The following NMNAT2 variants were observed in gnomAD, a reference collection of about 807,000 sequenced individuals.
The protein encoded by NMNAT2 is nicotinamide nucleotide adenylyltransferase 2, also known as nicotinamide/nicotinic acid mononucleotide adenylyltransferase 2.
In NMNAT2, 11 loss-of-function variants were observed where a neutral mutation model predicts 41.6. The ratio of observed to expected loss-of-function variants is 0.26; its 90% CI spans 0.17 to 0.44. The LOEUF (loss-of-function observed/expected upper bound fraction) is 0.44. NMNAT2 is among the 20% of genes least tolerant of loss of function. The pLI, the probability that NMNAT2 is intolerant of heterozygous loss-of-function variation, is 1.00. For synonymous variants in NMNAT2, 148 were observed against 151.2 expected (o/e 0.98, Z 0.16); for missense variants, 288 against 407.7 (o/e 0.71, Z 2.53).
At chr1:183,327,812 T>G (rs1298546352) in intron 1 of NMNAT2, among the ~76,000 whole-genome samples, 1 of 152,150 alleles carries the variant, frequency 6.6e-6, no homozygotes, top group African/African-American at 2.4e-5. Context: ...GTTTTTTGTG[T>G]GTGTATGTGT....
chr1:183,300,775 T>C (rs1419867456), intron 1 of NMNAT2, among the ~76,000 whole-genome samples: 2 of 152,244 alleles, frequency 1.3e-5, no homozygotes, highest in Admixed American at 6.5e-5. Flanking sequence ...GCAAGCAAGC[T>C]GGAGGAGTTA....
intron 8 of NMNAT2, among the ~76,000 whole-genome samples, chr1:183,261,632 T>C (rs1006617651): frequency 6.6e-6 from 1 of 152,230 alleles, no homozygotes; most frequent in African/African-American, 2.4e-5. Context: ...CAGAATCACA[T>C]GAATGACATT....
At chr1:183,378,448 G>A (rs962824201) in intron 1 of NMNAT2, among the ~76,000 whole-genome samples, 3 of 150,740 alleles carry the variant, frequency 2.0e-5, no homozygotes, top group Admixed American at 6.6e-5. Flanking sequence ...CCAGCTACTC[G>A]GGAGGCTGAG....
At chr1:183,369,816 C>G (rs1663492768) in intron 1 of NMNAT2, among the ~76,000 whole-genome samples, 1 of 152,104 alleles carries the variant, frequency 6.6e-6, no homozygotes, top group Non-Finnish European at 1.5e-5. Flanking sequence ...CGGCAACCAC[C>G]ATGCTACTTT....
intron 1 of NMNAT2, among the ~76,000 whole-genome samples, chr1:183,400,091 G>A (rs1468914418): frequency 6.6e-6 from 1 of 152,096 alleles, no homozygotes; most frequent in Non-Finnish European, 1.5e-5. Context: ...AGAAATAAAA[G>A]GTATTCAATT....
chr1:183,274,766 T>TAAA (rs34658876), intron 8 of NMNAT2, among the ~76,000 whole-genome samples: 3 of 125,264 alleles, frequency 2.4e-5, no homozygotes, highest in Admixed American at 8.1e-5. Context: ...ACCTTGTCTC[T>TAAA]AAAAAAAAAA....
chr1:183,396,000 C>T (rs986435625), intron 1 of NMNAT2, among the ~76,000 whole-genome samples: 4 of 152,178 alleles, frequency 2.6e-5, no homozygotes, highest in African/African-American at 7.2e-5. Flanking sequence ...TCCTTTTGCT[C>T]CTCTCACTGT....
intron 4 of NMNAT2, among the ~76,000 whole-genome samples, chr1:183,288,639 T>A (rs1661455797): frequency 6.6e-6 from 1 of 152,190 alleles, no homozygotes; most frequent in Non-Finnish European, 1.5e-5. Flanking sequence ...TCCCCTTTCC[T>A]CTCTTCTGTC....
Position 183,386,590 on chromosome 1 carries a change from A to G in NMNAT2, c.85+31593T>C, listed in dbSNP as rs1571631742. Among the ~76,000 whole-genome samples the G allele has an allele frequency of 2.0e-5, 3 of 152,330 alleles. No individual in the cohort carries two copies. In the East Asian group the frequency reaches 5.8e-4, roughly 29 times the overall value. On this transcript the variant is annotated intron_variant, in intron 1 of 10. Transcript: ENST00000287713. ...CTCGTCATTTTATATGAATTTTTAA[A>G]AAGATCACTTTTAAAAAGCAAAATA...
At chr1:183,297,220 A>G (rs1661725544) in intron 1 of NMNAT2, among the ~76,000 whole-genome samples, 1 of 151,534 alleles carries the variant, frequency 6.6e-6, no homozygotes, top group South Asian at 2.1e-4. Context: ...GGACCTGGAA[A>G]CTGTTTCTGT....
intron 1 of NMNAT2, among the ~76,000 whole-genome samples, chr1:183,353,729 G>A (rs557384831): frequency 7.2e-5 from 11 of 152,292 alleles, no homozygotes; most frequent in African/African-American, 2.4e-4. Context: ...TTGCTGGATT[G>A]CTGGTCTCAA....
intron 1 of NMNAT2, among the ~76,000 whole-genome samples, chr1:183,330,033 C>T (rs1023621871): frequency 2.0e-5 from 3 of 152,144 alleles, no homozygotes; most frequent in Non-Finnish European, 4.4e-5. Context: ...CAAGGGGAGC[C>T]ACCATGAGAT....
At chr1:183,296,618 T>C (rs1661706131) in intron 1 of NMNAT2, among the ~76,000 whole-genome samples, 1 of 152,046 alleles carries the variant, frequency 6.6e-6, no homozygotes, top group South Asian at 2.1e-4. Context: ...GTTCAAGTGA[T>C]TCTTGTGCCT....
At chr1:183,296,661 C>T (rs1217203527) in intron 1 of NMNAT2, among the ~76,000 whole-genome samples, 1 of 151,910 alleles carries the variant, frequency 6.6e-6, no homozygotes, top group African/African-American at 2.4e-5. Flanking sequence ...TACAGACGTG[C>T]ACCACCATAC....
At chr1:183,394,834 C>T (rs1648587676) in intron 1 of NMNAT2, among the ~76,000 whole-genome samples, 1 of 152,202 alleles carries the variant, frequency 6.6e-6, no homozygotes, top group Admixed American at 6.5e-5. Context: ...AGTGAAGCCA[C>T]CAGTGGTTAC....
At chr1:183,299,501 T>G (rs1661792310) in intron 1 of NMNAT2, among the ~76,000 whole-genome samples, 1 of 152,188 alleles carries the variant, frequency 6.6e-6, no homozygotes, top group Admixed American at 6.5e-5. Flanking sequence ...TGTATGATTT[T>G]ATTTATATAA....
intron 1 of NMNAT2, among the ~76,000 whole-genome samples, chr1:183,353,199 G>T (rs1208054182): frequency 6.6e-6 from 1 of 152,006 alleles, no homozygotes; most frequent in African/African-American, 2.4e-5. Flanking sequence ...GTAGAGACAG[G>T]GTTTCACCAT....
chr1:183,260,627 G>A (rs1660632144), intron 10 of NMNAT2, among the ~76,000 whole-genome samples: 1 of 152,042 alleles, frequency 6.6e-6, no homozygotes, highest in East Asian at 1.9e-4. Context: ...AGACCAGCCT[G>A]GCCAAAATGG....
At chr1:183,381,070 G>A (rs1175247191) in intron 1 of NMNAT2, among the ~76,000 whole-genome samples, 4 of 152,178 alleles carry the variant, frequency 2.6e-5, no homozygotes, top group African/African-American at 7.2e-5. Context: ...CAACCATTGT[G>A]AGAATGAGGG....
Sources: allele counts gnomAD v4.1 joint callset (sites outside exome capture counted in the v4.1 genomes callset), GRCh38; gene constraint gnomAD v4.1.1; transcripts MANE v1.5; gene names NCBI Gene and HGNC (gene_info 2026-07-23, HGNC 2026-07-21).